Variants in KIAA0825 observed in about 807,000 individuals in gnomAD.
KIAA0825 encodes uncharacterized protein KIAA0825.
In KIAA0825, 119 loss-of-function variants were observed where a neutral mutation model predicts 147.6. The observed-to-expected ratio is 0.81, with a 90% confidence interval of 0.69 to 0.94. The LOEUF is 0.94. Among genes scored for constraint, KIAA0825 ranks in the 40% least tolerant of loss-of-function variants. KIAA0825 has a pLI of 0.00. For missense variants in KIAA0825, 1,381 were observed against 1,472.7 expected, an observed-to-expected ratio of 0.94 and a Z score of 1.02; for synonymous variants, 470 against 518.1, an observed-to-expected ratio of 0.91 and a Z score of 1.26.
In KIAA0825 at chr5:94,592,692, T is replaced by C. The variant is rs140832550; in HGVS notation, c.-152-10109A>G. 4 of 278,720 alleles carry C rather than the reference T, an allele frequency of 1.4e-5. 1 individual carries two copies. In the East Asian group the frequency reaches 3.8e-4, roughly 27 times the overall value. 17.3% of individuals were successfully genotyped at this position (278,720 alleles called of 1,614,324 possible). ...AGCAAAATACACGAAGGAAAAACAGTTCCTTTTATCCCTGTTTGTTGCACC... is the reference window on the plus strand; with the variant it reads ...AGCAAAATACACGAAGGAAAAACAGCTCCTTTTATCCCTGTTTGTTGCACC... On this transcript the variant is annotated intron_variant, in intron 1 of 20. Transcript: ENST00000682413.
chr5:94,234,997 C>T (rs1485046644), intron 20 of KIAA0825, among the ~76,000 whole-genome samples: 1 of 151,952 alleles, frequency 6.6e-6, no homozygotes, highest in African/African-American at 2.4e-5. Context: ...GTCTCTCTCC[C>T]TCTCCTTGGG....
chr5:94,349,755 T>C (rs577560655), intron 20 of KIAA0825, among the ~76,000 whole-genome samples: 58 of 152,220 alleles, frequency 3.8e-4, no homozygotes, highest in African/African-American at 1.4e-3. Flanking sequence ...TGACATAACC[T>C]ATCAAAACCT....
chr5:94,463,505 A>T (rs1278648391), intron 11 of KIAA0825, among the ~76,000 whole-genome samples: 1 of 151,196 alleles, frequency 6.6e-6, no homozygotes, highest in Non-Finnish European at 1.5e-5. Context: ...ATAAACGTTT[A>T]ATTTTAGTTT....
Position 94,618,588 on chromosome 5 carries a change from G to C in KIAA0825, c.-241C>G, listed in dbSNP as rs953764977. 6.5e-6 allele frequency: 1 copy of C among 154,406 alleles called. No individual in the cohort carries two copies. The highest frequency in any genetic ancestry group is 2.4e-5 in the African/African-American group (1 of 41,480). 9.6% of individuals were successfully genotyped at this position (154,406 alleles called of 1,614,324 possible). A position where few individuals can be genotyped will look rare whatever the true frequency, so the allele number is the denominator to read the frequency against. Reference sequence around the variant, plus strand: ...CACCAGGTATTACCACCCTGGCGACGGCTCCGGAGCGTCACTGACAACCAC... The same window carrying C: ...CACCAGGTATTACCACCCTGGCGACCGCTCCGGAGCGTCACTGACAACCAC... On this transcript the variant is annotated 5_prime_UTR_variant, in exon 1 of 21. Transcript: ENST00000682413.
chr5:94,167,646 G>T (rs531382313), intron 20 of KIAA0825, among the ~76,000 whole-genome samples: 1 of 152,088 alleles, frequency 6.6e-6, no homozygotes, highest in Admixed American at 6.5e-5. Context: ...TTTTCCTTAA[G>T]TAGGTAAAAG....
intron 3 of KIAA0825, among the ~76,000 whole-genome samples, chr5:94,534,079 G>T (rs1027360690): frequency 5.3e-5 from 8 of 152,170 alleles, no homozygotes; most frequent in Admixed American, 4.6e-4. Flanking sequence ...ATTTTAAAAT[G>T]AATTACTAAT....
chr5:94,355,023 G>A (rs764805591), intron 20 of KIAA0825, among the ~76,000 whole-genome samples: 1 of 152,196 alleles, frequency 6.6e-6, no homozygotes, highest in Non-Finnish European at 1.5e-5. Context: ...CAATTCGAAG[G>A]GGGGCATGGA....
At chr5:94,401,264 T>C (rs1012939298) in intron 16 of KIAA0825, among the ~76,000 whole-genome samples, 2 of 151,004 alleles carry the variant, frequency 1.3e-5, no homozygotes, top group Non-Finnish European at 3.0e-5. Context: ...TTGCCAAAGG[T>C]GATAAAATCA....
intron 20 of KIAA0825, among the ~76,000 whole-genome samples, chr5:94,359,577 T>C (rs962054808): frequency 1.3e-5 from 2 of 152,098 alleles, no homozygotes; most frequent in Admixed American, 1.3e-4. Context: ...GTCAACATAG[T>C]GAGACCTCCA....
intron 18 of KIAA0825, among the ~76,000 whole-genome samples, chr5:94,390,236 T>C (rs1310670322): frequency 6.6e-6 from 1 of 152,224 alleles, no homozygotes; most frequent in Non-Finnish European, 1.5e-5. Context: ...AGTTTGGCAA[T>C]TCAGACCAGG....
chr5:94,246,857 C>T (rs1471583376), intron 20 of KIAA0825, among the ~76,000 whole-genome samples: 2 of 152,172 alleles, frequency 1.3e-5, no homozygotes, highest in Admixed American at 6.6e-5. Context: ...TCCTTCCACA[C>T]AGTGTCAGCC....
chr5:94,369,716 C>T (rs1317981956), intron 20 of KIAA0825, among the ~76,000 whole-genome samples: 2 of 152,072 alleles, frequency 1.3e-5, no homozygotes, highest in African/African-American at 2.4e-5. Flanking sequence ...TTGATGTGGC[C>T]TACTGAGTGC....
At chr5:94,398,280 A>G (rs1750932745) in intron 16 of KIAA0825, among the ~76,000 whole-genome samples, 1 of 152,028 alleles carries the variant, frequency 6.6e-6, no homozygotes, top group Non-Finnish European at 1.5e-5. Context: ...TTATTATCCA[A>G]TTTCTCTGCT....
intron 20 of KIAA0825, among the ~76,000 whole-genome samples, chr5:94,206,508 C>G (rs1459911193): frequency 1.3e-5 from 2 of 152,078 alleles, no homozygotes; most frequent in African/African-American, 4.8e-5. Context: ...ATACAGTAAG[C>G]AGGATACCTT....
chr5:94,566,965 A>C (rs1329381654), intron 2 of KIAA0825, among the ~76,000 whole-genome samples: 4 of 152,198 alleles, frequency 2.6e-5, no homozygotes, highest in Non-Finnish European at 5.9e-5. Flanking sequence ...ATAAATGTTA[A>C]TGATTATTTT....
intron 20 of KIAA0825, among the ~76,000 whole-genome samples, chr5:94,273,520 G>A (rs774312979): frequency 3.3e-5 from 5 of 152,046 alleles, no homozygotes; most frequent in Admixed American, 6.6e-5. Flanking sequence ...AGCATAGTAC[G>A]CAATAAGAAA....
At chr5:94,288,192 C>A (rs574189591) in intron 20 of KIAA0825, among the ~76,000 whole-genome samples, 1 of 152,146 alleles carries the variant, frequency 6.6e-6, no homozygotes, top group South Asian at 2.1e-4. Context: ...GGAAAGGAAG[C>A]AATGAGTCTG....
chr5:94,471,964 G>C (rs1034828308), intron 8 of KIAA0825, among the ~76,000 whole-genome samples: 27 of 152,208 alleles, frequency 1.8e-4, no homozygotes, highest in Non-Finnish European at 3.1e-4. Flanking sequence ...ATGCTTACCA[G>C]ACAGACATTA....
intron 20 of KIAA0825, among the ~76,000 whole-genome samples, chr5:94,206,631 T>C (rs1476326044): frequency 1.3e-5 from 2 of 152,224 alleles, no homozygotes; most frequent in African/African-American, 4.8e-5. Context: ...TCTTGTATCA[T>C]GAATATTATG....
Sources: allele counts gnomAD v4.1 joint callset (sites outside exome capture counted in the v4.1 genomes callset), GRCh38; gene constraint gnomAD v4.1.1; transcripts MANE v1.5; gene names NCBI Gene and HGNC (gene_info 2026-07-23, HGNC 2026-07-21).